Variants in FCHSD2 observed in about 807,000 individuals in gnomAD.
FCHSD2 encodes FCH and double SH3 domains 2.
FCHSD2 carries 38 observed loss-of-function variants against 108.1 expected under a neutral mutation model. The ratio of observed to expected loss-of-function variants is 0.35; its 90% CI spans 0.27 to 0.46. The LOEUF (loss-of-function observed/expected upper bound fraction) is 0.46. Ranked by LOEUF, FCHSD2 falls within the 20% of genes least tolerant of loss-of-function variation. FCHSD2 has a pLI of 1.00. For synonymous variants in FCHSD2, 279 were observed against 314.7 expected, an observed-to-expected ratio of 0.89 and a Z score of 1.20; for missense variants, 751 against 897.8, an observed-to-expected ratio of 0.84 and a Z score of 2.09.
chr11:72,929,327 T>C (rs1856142998), intron 8 of FCHSD2, among the ~76,000 whole-genome samples: 2 of 152,206 alleles, frequency 1.3e-5, no homozygotes. Context: ...TCTTAAAATA[T>C]CTTTTTCAGC....
At chr11:72,866,262 TTTTGTTTTG>T (rs1854719646) in intron 13 of FCHSD2, among the ~76,000 whole-genome samples, 1 of 43,070 alleles carries the variant, frequency 2.3e-5, no homozygotes, top group African/African-American at 5.7e-5. Context: ...CTGTTTTTTG[TTTTGTTTTG>T]TTTTTTTTGT....
At chr11:73,039,925 G>GACA (rs72055490) in intron 3 of FCHSD2, among the ~76,000 whole-genome samples, 1 of 151,782 alleles carries the variant, frequency 6.6e-6, no homozygotes, top group Admixed American at 6.6e-5. Flanking sequence ...TATTCATGAG[G>GACA]ATATCACAAA....
At chr11:73,003,090 T>G (rs1857659440) in intron 4 of FCHSD2, among the ~76,000 whole-genome samples, 2 of 152,138 alleles carry the variant, frequency 1.3e-5, no homozygotes, top group Admixed American at 1.3e-4. Flanking sequence ...AAAAGAGACC[T>G]TTAGAGTTTA....
intron 4 of FCHSD2, among the ~76,000 whole-genome samples, chr11:73,007,024 G>A (rs895871216): frequency 2.0e-5 from 3 of 152,090 alleles, no homozygotes; most frequent in African/African-American, 4.8e-5. Flanking sequence ...CAAGACTTAT[G>A]TATCCTAAGT....
At chr11:73,030,495 C>T (rs1858333553) in intron 3 of FCHSD2, among the ~76,000 whole-genome samples, 1 of 152,120 alleles carries the variant, frequency 6.6e-6, no homozygotes, top group Non-Finnish European at 1.5e-5. Flanking sequence ...TATATGTCTC[C>T]AGAGCCCTAA....
rs898185347 is a variant in FCHSD2 at position 72,846,705 on chromosome 11, T to G, written c.1443+3050A>C. Among the ~76,000 whole-genome samples, 10 of 152,342 alleles carry G rather than the reference T, an allele frequency of 6.6e-5. 1 individual carries two copies. In the East Asian group the frequency reaches 1.7e-3, roughly 26 times the overall value. ...ATCCAGTGACAACCAGAGCTCCGTT[T>G]CCACCAGTATCTCTCCAAATTTCCT... On this transcript the variant is annotated intron_variant, in intron 14 of 19. Coordinates refer to ENST00000409418, the MANE Select transcript of FCHSD2 (RefSeq NM_014824.3).
At chr11:72,845,832 G>C (rs1031985225) in intron 14 of FCHSD2, among the ~76,000 whole-genome samples, 4 of 152,136 alleles carry the variant, frequency 2.6e-5, no homozygotes, top group Non-Finnish European at 5.9e-5. Context: ...TTATGGGCAA[G>C]TGACTGTAAG....
intron 3 of FCHSD2, among the ~76,000 whole-genome samples, chr11:73,054,625 T>C (rs1352386119): frequency 1.5e-5 from 2 of 131,286 alleles, no homozygotes; most frequent in Non-Finnish European, 3.3e-5. Flanking sequence ...GGGATGGAGG[T>C]GGGGGAAACA....
chr11:73,123,916 A>T (rs1223762827), intron 2 of FCHSD2, among the ~76,000 whole-genome samples: 1 of 152,236 alleles, frequency 6.6e-6, no homozygotes, highest in African/African-American at 2.4e-5. Context: ...TAATCTTATC[A>T]TAAAATTAAA....
chr11:72,993,658 A>C (rs939216514), intron 5 of FCHSD2, among the ~76,000 whole-genome samples: 48 of 151,890 alleles, frequency 3.2e-4, no homozygotes, highest in Non-Finnish European at 6.2e-4. Context: ...TATCGCAAGG[A>C]CAAAAAACCA....
At chr11:73,131,307 G>A (rs372284799) in intron 2 of FCHSD2, among the ~76,000 whole-genome samples, 2 of 151,392 alleles carry the variant, frequency 1.3e-5, no homozygotes, top group East Asian at 3.9e-4. Context: ...CACAAGGTCA[G>A]GAGATCGAGA....
At chr11:73,109,717 A>G (rs1230691985) in intron 2 of FCHSD2, among the ~76,000 whole-genome samples, 1 of 152,102 alleles carries the variant, frequency 6.6e-6, no homozygotes, top group Non-Finnish European at 1.5e-5. Context: ...TGCTCTTGCT[A>G]GGACTTCCAG....
chr11:72,963,850 C>T (rs1310741555), intron 8 of FCHSD2, among the ~76,000 whole-genome samples: 1 of 152,200 alleles, frequency 6.6e-6, no homozygotes, highest in African/African-American at 2.4e-5. Flanking sequence ...TGGTTCCTCA[C>T]AGGCCATGGA....
chr11:72,867,556 C>G (rs1246568481), intron 13 of FCHSD2, among the ~76,000 whole-genome samples: 1 of 152,092 alleles, frequency 6.6e-6, no homozygotes, highest in Non-Finnish European at 1.5e-5. Context: ...AGATTGTTTT[C>G]TATTCTATTA....
intron 6 of FCHSD2, among the ~76,000 whole-genome samples, chr11:72,986,504 C>T (rs545600639): frequency 4.6e-5 from 7 of 152,282 alleles, no homozygotes; most frequent in South Asian, 2.1e-4. Context: ...CCACCGTGCC[C>T]GGCCCCAATT....
chr11:73,090,444 C>G (rs1859928758), intron 2 of FCHSD2, among the ~76,000 whole-genome samples: 2 of 152,026 alleles, frequency 1.3e-5, no homozygotes, highest in South Asian at 2.1e-4. Context: ...CCGGGATGGT[C>G]TCGATCTGCT....
At chr11:73,049,671 A>T (rs1858850100) in intron 3 of FCHSD2, among the ~76,000 whole-genome samples, 1 of 148,864 alleles carries the variant, frequency 6.7e-6, no homozygotes, top group African/African-American at 2.5e-5. Flanking sequence ...GTACCCTAAA[A>T]CTTAGAGTAT....
chr11:72,956,233 G>T (rs1248373456), intron 8 of FCHSD2, among the ~76,000 whole-genome samples: 1 of 152,126 alleles, frequency 6.6e-6, no homozygotes, highest in Admixed American at 6.5e-5. Context: ...CACATAAATG[G>T]CAGAGAATAG....
Position 72,836,981 on chromosome 11 carries a change from A to G in FCHSD2, c.*1810T>C, listed in dbSNP as rs2135139487. On this transcript the variant is annotated 3_prime_UTR_variant, in exon 20 of 20. Coordinates refer to ENST00000409418, the MANE Select transcript of FCHSD2 (RefSeq NM_014824.3). ...CTTCCAAAAAATATTTTAAAATACA[A>G]CAAAAGATTTCAAATAACCCTTTGA... 6.6e-6 allele frequency: 1 copy of G among 152,648 alleles called. No individual in the cohort carries two copies. The highest frequency in any genetic ancestry group is 1.9e-4 in the East Asian group (1 of 5,192). The allele number at this position is 152,648 out of a possible 1,614,324, so 9.5% of individuals were successfully genotyped here. A position where few individuals can be genotyped will look rare whatever the true frequency, so the allele number is the denominator to read the frequency against.
Sources: allele counts gnomAD v4.1 joint callset (sites outside exome capture counted in the v4.1 genomes callset), GRCh38; gene constraint gnomAD v4.1.1; transcripts MANE v1.5; gene names NCBI Gene and HGNC (gene_info 2026-07-23, HGNC 2026-07-21).